Variants in CDH23 observed in about 807,000 individuals in gnomAD.
The protein encoded by CDH23 is cadherin related 23, also known as cadherin-23.
CDH23 carries 189 observed loss-of-function variants against 317.1 expected under a neutral mutation model. The observed-to-expected ratio is 0.60, with a 90% CI of 0.53 to 0.67. The LOEUF (loss-of-function observed/expected upper bound fraction) is 0.67. Among genes scored for constraint, CDH23 ranks in the 30% least tolerant of loss-of-function variants. CDH23 has a pLI of 0.00. For missense variants in CDH23, 4,401 were observed against 4,592.4 expected (o/e 0.96, Z 1.20); for synonymous variants, 1,839 against 1,876.8 (o/e 0.98, Z 0.52).
intron 2 of CDH23, 111 bp from the exon 3 acceptor site, chr10:71,446,207 G>T: frequency 9.7e-7 from 1 of 1,031,922 alleles, no homozygotes; most frequent in East Asian, 2.5e-5. Flanking sequence ...GTTGACCATG[G>T]CCATGGACAC....
intron 22 of CDH23, among the ~76,000 whole-genome samples, chr10:71,700,190 C>T (rs1865531116): frequency 6.6e-6 from 1 of 152,108 alleles, no homozygotes. Flanking sequence ...AGTTTGAGAC[C>T]AACCTGGCCA....
At chr10:71,585,859 A>G (rs985157989) in intron 9 of CDH23, among the ~76,000 whole-genome samples, 2 of 152,132 alleles carry the variant, frequency 1.3e-5, no homozygotes, top group Non-Finnish European at 2.9e-5. Flanking sequence ...GCTCTTTGTC[A>G]GCAACAGTGG....
chr10:71,738,780 C>T (rs1433521699), intron 35 of CDH23, 133 bp downstream of exon 35: 1 of 1,172,024 alleles, frequency 8.5e-7, no homozygotes, highest in African/African-American at 1.5e-5. Flanking sequence ...CCTGCAATCA[C>T]CCAGTCTGTG....
intron 11 of CDH23, among the ~76,000 whole-genome samples, chr10:71,641,866 G>A (rs1451831199): frequency 6.6e-6 from 1 of 152,148 alleles, no homozygotes; most frequent in Non-Finnish European, 1.5e-5. Flanking sequence ...ATCATTTGAG[G>A]TCAGGAGTTT....
rs770012368 is a variant in CDH23 at position 71,784,411 on chromosome 10, C to T, written c.5493C>T (p.Leu1831=). The change falls in exon 42 of 70, where the codon CTC becomes CTT. Residue 1831 remains leucine, a synonymous_variant. Coordinates refer to ENST00000224721, the MANE Select transcript of CDH23 (RefSeq NM_022124.6). ...CCCGTGACCGGGGGATGCCCCCACTCAGCTCCACAGTGAGTCTGGGGGCCC... is the reference window on the plus strand; with the variant it reads ...CCCGTGACCGGGGGATGCCCCCACTTAGCTCCACAGTGAGTCTGGGGGCCC... ...ICARDRGMPP[L]SSTMLVGIRV... The T allele has an allele frequency of 6.2e-7, 1 of 1,612,818 alleles. No homozygotes were observed. Among genetic ancestry groups the T allele is most frequent in the African/African-American group, 1.3e-5 (1 of 74,926 alleles).
In CDH23 at chr10:71,511,223, C is replaced by CT; in HGVS notation, c.429+12dup. The CT allele has an allele frequency of 6.2e-7, 1 of 1,611,350 alleles. No individual in the cohort carries two copies. Among genetic ancestry groups the CT allele is most frequent in the Non-Finnish European group, 8.5e-7 (1 of 1,177,726 alleles). ...GTCCGCATCCCTGAGGTAGGAGCCA[C>CT]TGGGGTTACCCTTGAGGGTATCAGA... On this transcript the variant is annotated intron_variant, in intron 6 of 69. Transcript: ENST00000224721.
chr10:71,632,935 CA>C (rs112743817), intron 11 of CDH23, among the ~76,000 whole-genome samples: 53 of 152,260 alleles, frequency 3.5e-4, no homozygotes, highest in African/African-American at 1.2e-3. Flanking sequence ...AGTCCAAGGT[CA>C]GGGGGCTGCA....
At chr10:71,730,384 C>G in intron 30 of CDH23, 85 bp from the exon 31 acceptor site, 1 of 1,529,534 alleles carries the variant, frequency 6.5e-7, no homozygotes, top group South Asian at 1.3e-5. Flanking sequence ...GCAGTGACCA[C>G]ACAAGGCGGC....
At chr10:71,642,199 C>A (rs1255936636) in intron 11 of CDH23, among the ~76,000 whole-genome samples, 2 of 151,992 alleles carry the variant, frequency 1.3e-5, no homozygotes, top group African/African-American at 4.8e-5. Context: ...AGACTGGGCC[C>A]TGGAGCGCTC....
intron 6 of CDH23, among the ~76,000 whole-genome samples, chr10:71,527,690 G>A (rs1245451760): frequency 2.0e-5 from 3 of 152,204 alleles, no homozygotes; most frequent in Non-Finnish European, 4.4e-5. Flanking sequence ...AGTTAGCCAG[G>A]CCTGGGTATG....
At chr10:71,772,805 G>A (rs1840717422) in intron 38 of CDH23, among the ~76,000 whole-genome samples, 2 of 152,180 alleles carry the variant, frequency 1.3e-5, no homozygotes, top group South Asian at 4.1e-4. Flanking sequence ...ATAGGGACCA[G>A]GTGGGCAGTG....
At chr10:71,442,628 C>T (rs1205877230) in intron 2 of CDH23, among the ~76,000 whole-genome samples, 1 of 152,206 alleles carries the variant, frequency 6.6e-6, no homozygotes, top group African/African-American at 2.4e-5. Context: ...AGCAATTCTC[C>T]TTCTTCATCC....
chr10:71,789,999 G>A (rs1237245216), intron 45 of CDH23, among the ~76,000 whole-genome samples: 5 of 152,182 alleles, frequency 3.3e-5, no homozygotes, highest in Non-Finnish European at 5.9e-5. Context: ...CCCGAGGAGC[G>A]GCCAGCCTCA....
rs746095109 is a variant in CDH23, at chr10:71,793,355, A to C, written c.6427A>C (p.Thr2143Pro). The change falls in exon 48 of 70, where the codon ACG becomes CCG. Residue 2143 changes from threonine to proline, a missense_variant. Physicochemically the swap from Thr to Pro is conservative, Grantham distance 38 (BLOSUM62 -1). This residue lies in a region of CDH23 where 3,068 missense variants were observed against 3,203.3 expected (regional missense o/e 0.96). Coordinates refer to ENST00000224721, the MANE Select transcript of CDH23 (RefSeq NM_022124.6). ...AGAGGAGCAGGAGTCCTACAGGCTA[A>C]CGGTGGTGGCCACCGACCGGGGCAC... ...DREEQESYRLTVVATDRGTVP... is the reference protein window; with the variant it reads ...DREEQESYRLPVVATDRGTVP... The C allele has an allele frequency of 6.2e-7, 1 of 1,613,988 alleles. No homozygotes were observed. Among genetic ancestry groups the C allele is most frequent in the Non-Finnish European group, 8.5e-7 (1 of 1,179,882 alleles).
At chr10:71,566,619 A>G in intron 6 of CDH23, 123 bp from the exon 7 acceptor site, 1 of 828,262 alleles carries the variant, frequency 1.2e-6, no homozygotes, top group Non-Finnish European at 1.7e-6. Flanking sequence ...TAGAATGAAA[A>G]TGACAAGGCC....
chr10:71,770,919 G>A (rs985802565), intron 38 of CDH23, among the ~76,000 whole-genome samples: 1 of 152,188 alleles, frequency 6.6e-6, no homozygotes. Flanking sequence ...CTGGCCTCAA[G>A]GCTGTTCCTC....
At chr10:71,502,383 G>T (rs1450987098) in intron 3 of CDH23, among the ~76,000 whole-genome samples, 2 of 152,202 alleles carry the variant, frequency 1.3e-5, no homozygotes, top group East Asian at 3.8e-4. Flanking sequence ...ACTGGGAAAA[G>T]GTGCTGTGAT....
At chr10:71,738,950 C>T (rs1047951925) in intron 35 of CDH23, among the ~76,000 whole-genome samples, 42 of 152,260 alleles carry the variant, frequency 2.8e-4, no homozygotes, top group Non-Finnish European at 5.4e-4. Context: ...CCTGAGAGGA[C>T]ATGCTCGTCC....
intron 6 of CDH23, among the ~76,000 whole-genome samples, chr10:71,528,578 G>T (rs1278915786): frequency 6.6e-6 from 1 of 152,268 alleles, no homozygotes; most frequent in Non-Finnish European, 1.5e-5. Flanking sequence ...AATGTGAAGG[G>T]TAATTGAGCT....
Sources: gnomAD v4.1 joint callset for allele counts (sites outside exome capture counted in the v4.1 genomes callset) on GRCh38, gnomAD v4.1.1 for gene constraint, gnomAD v4.1.1 regional missense constraint, MANE v1.5 for transcripts, NCBI Gene and HGNC (gene_info 2026-07-23, HGNC 2026-07-21) for gene names.